The following MYBPC1 variants were observed in gnomAD, a reference collection of about 807,000 sequenced individuals.
MYBPC1 encodes the protein myosin-binding protein C, slow-type.
MYBPC1 carries 52 observed loss-of-function variants against 147.1 expected under a neutral mutation model. The ratio of observed to expected loss-of-function variants is 0.35; its 90% confidence interval spans 0.28 to 0.45. The LOEUF (loss-of-function observed/expected upper bound fraction) is 0.45, where lower values mean the gene tolerates loss of function less well. MYBPC1 is among the 20% of genes least tolerant of loss of function. The pLI is 1.00. For synonymous variants in MYBPC1, 477 were observed against 475.9 expected, an observed-to-expected ratio of 1.00 and a Z score of -0.03; for missense variants, 1,228 against 1,440.3, an observed-to-expected ratio of 0.85 and a Z score of 2.39.
intron 1 of MYBPC1, among the ~76,000 whole-genome samples, chr12:101,607,663 T>A (rs1208944165): frequency 2.0e-5 from 3 of 152,182 alleles, no homozygotes; most frequent in African/African-American, 7.2e-5. Flanking sequence ...TATGATATAA[T>A]TTTGCTCTCC....
In MYBPC1 at chr12:101,659,623, C is replaced by T. The variant is rs74723080; in HGVS notation, c.1768-49C>T. ...CAATTTATAGGAGACTCTGAAGTAG[C>T]CCTGTTTATTGTGTAAATCATGCCA... is the stretch of plus-strand genomic sequence containing the variant. On this transcript the variant is annotated intron_variant, in intron 18 of 31. Coordinates refer to ENST00000361466, the MANE Select transcript of MYBPC1 (RefSeq NM_002465.4). The T allele has an allele frequency of 7.5e-4, 1,195 of 1,600,754 alleles. 10 individuals carry two copies. In the African/African-American group the frequency reaches 0.014, roughly 18 times the overall value.
At chr12:101,602,400 A>G (rs1004805380) in intron 1 of MYBPC1, among the ~76,000 whole-genome samples, 1 of 151,984 alleles carries the variant, frequency 6.6e-6, no homozygotes, top group African/African-American at 2.4e-5. Flanking sequence ...TTTTTTTGGT[A>G]GAGATAGGGT....
At chr12:101,645,194 G>A (rs1412730261) in intron 12 of MYBPC1, among the ~76,000 whole-genome samples, 2 of 152,068 alleles carry the variant, frequency 1.3e-5, no homozygotes, top group South Asian at 2.1e-4. Flanking sequence ...CCAAAATAAC[G>A]ACTATATTTC....
At chr12:101,693,890 T>C in the MYBPC1 span, among the ~76,000 whole-genome samples, 1 of 152,212 alleles carries the variant, frequency 6.6e-6, no homozygotes, top group African/African-American at 2.4e-5. Context: ...AGAAGTGATG[T>C]GTGCAACCTT....
At chr12:101,654,877 A>C (rs1290127390) in intron 18 of MYBPC1, among the ~76,000 whole-genome samples, 1 of 152,184 alleles carries the variant, frequency 6.6e-6, no homozygotes, top group East Asian at 1.9e-4. Context: ...TCATGGACCC[A>C]CCTAATAAGT....
chr12:101,644,518 T>C, intron 11 of MYBPC1, 146 bp from the exon 12 acceptor site: 1 of 722,582 alleles, frequency 1.4e-6, no homozygotes, highest in South Asian at 1.7e-5. Context: ...GTTCGAAATA[T>C]AAAGGATAAT....
chr12:101,663,637 T>C, intron 22 of MYBPC1, 77 bp downstream of exon 22: 1 of 1,505,430 alleles, frequency 6.6e-7, no homozygotes, highest in Non-Finnish European at 9.1e-7. Flanking sequence ...TTTGTCTCTC[T>C]TTCTTGAGAA....
chr12:101,633,476 C>T (rs1490033057), intron 8 of MYBPC1, among the ~76,000 whole-genome samples: 2 of 152,036 alleles, frequency 1.3e-5, no homozygotes, highest in African/African-American at 4.8e-5. Flanking sequence ...ATCACGAGGA[C>T]AGCAGTCCGA....
intron 1 of MYBPC1, 108 bp from the exon 2 acceptor site, chr12:101,614,388 C>A: frequency 8.4e-7 from 1 of 1,187,668 alleles, no homozygotes; most frequent in Non-Finnish European, 1.2e-6. Context: ...CTTGTGAGTA[C>A]ACACAGGTGA....
chr12:101,612,197 T>A (rs983625065), intron 1 of MYBPC1, among the ~76,000 whole-genome samples: 3 of 152,202 alleles, frequency 2.0e-5, no homozygotes, highest in Admixed American at 1.3e-4. Context: ...GAGCTCTTTC[T>A]ACATAGCAGG....
chr12:101,621,381 T>A (rs777650029), intron 3 of MYBPC1, among the ~76,000 whole-genome samples: 17 of 152,226 alleles, frequency 1.1e-4, no homozygotes, highest in Non-Finnish European at 2.2e-4. Flanking sequence ...CATGGTTTTA[T>A]AAGCATCAAA....
chr12:101,599,651 G>A (rs544471478), intron 1 of MYBPC1, among the ~76,000 whole-genome samples: 1 of 152,262 alleles, frequency 6.6e-6, no homozygotes, highest in South Asian at 2.1e-4. Context: ...TCAAATTGGG[G>A]AAAGGTTAAT....
chr12:101,691,347 C>T, the MYBPC1 span, among the ~76,000 whole-genome samples: 1 of 152,182 alleles, frequency 6.6e-6, no homozygotes, highest in African/African-American at 2.4e-5. Context: ...GCTGGGATTA[C>T]AGGTGTGAGC....
intron 28 of MYBPC1, 75 bp downstream of exon 28, chr12:101,678,313 A>G: frequency 6.3e-7 from 1 of 1,580,320 alleles, no homozygotes. Flanking sequence ...GTAACAATGT[A>G]AACAAATCCA....
intron 22 of MYBPC1, among the ~76,000 whole-genome samples, chr12:101,665,956 T>C (rs1897333695): frequency 6.6e-6 from 1 of 152,200 alleles, no homozygotes. Context: ...TTCTCCTTGA[T>C]ACTCCTGTTA....
intron 3 of MYBPC1, among the ~76,000 whole-genome samples, chr12:101,625,658 C>T (rs544378297): frequency 6.6e-6 from 1 of 152,316 alleles, no homozygotes; most frequent in South Asian, 2.1e-4. Flanking sequence ...TTTCTTATAG[C>T]ATTTGTATTA....
chr12:101,636,026 T>C (rs565742085), intron 9 of MYBPC1, among the ~76,000 whole-genome samples: 2 of 152,130 alleles, frequency 1.3e-5, no homozygotes, highest in East Asian at 3.8e-4. Context: ...TCAAGACAAA[T>C]TTTTTTAAAA....
chr12:101,600,157 G>A (rs1301684113), intron 1 of MYBPC1, among the ~76,000 whole-genome samples: 2 of 152,168 alleles, frequency 1.3e-5, no homozygotes, highest in Non-Finnish European at 2.9e-5. Context: ...CAGGAGTAAG[G>A]GAGACTGTGG....
intron 22 of MYBPC1, among the ~76,000 whole-genome samples, chr12:101,666,971 T>C (rs1897609530): frequency 6.8e-6 from 1 of 146,184 alleles, no homozygotes; most frequent in South Asian, 2.2e-4. Flanking sequence ...GAGGGAGCAG[T>C]GAGTTAATAA....
Sources: allele counts gnomAD v4.1 joint callset (sites outside exome capture counted in the v4.1 genomes callset), GRCh38; gene constraint gnomAD v4.1.1; transcripts MANE v1.5; gene names NCBI Gene and HGNC (gene_info 2026-07-23, HGNC 2026-07-21).